Variants in GPHN observed in about 807,000 individuals in gnomAD.
GPHN encodes gephyrin.
A neutral mutation model predicts 95.5 loss-of-function variants in GPHN; 17 were observed. The ratio of observed to expected loss-of-function variants is 0.18; its 90% CI spans 0.12 to 0.27. The LOEUF is 0.27. Ranked by LOEUF, GPHN falls within the 10% of genes least tolerant of loss-of-function variation. The probability of loss-of-function intolerance (pLI) is 1.00; values close to 1 mark genes in which losing one functional copy is unlikely to be tolerated. For missense variants in GPHN, 660 were observed against 978.1 expected (o/e 0.67, Z 4.34); for synonymous variants, 320 against 322.5 (o/e 0.99, Z 0.08).
chr14:67,423,469 A>AG, the GPHN span, among the ~76,000 whole-genome samples: 1 of 151,970 alleles, frequency 6.6e-6, no homozygotes, highest in African/African-American at 2.4e-5. Context: ...GGGGCTCTGA[A>AG]GGGGGCCAAG....
chr14:67,096,151 A>AT (rs2077383077), intron 12 of GPHN, among the ~76,000 whole-genome samples: 2 of 152,080 alleles, frequency 1.3e-5, no homozygotes, highest in African/African-American at 4.8e-5. Context: ...TGTTTGACTG[A>AT]TTCTTCCTTA....
At chr14:67,374,999 G>A in the GPHN span, among the ~76,000 whole-genome samples, 5 of 152,178 alleles carry the variant, frequency 3.3e-5, no homozygotes, top group African/African-American at 4.8e-5. Context: ...TTTATAAAAT[G>A]TCTGTGAATC....
At chr14:66,572,730 C>T (rs7145697) in intron 1 of GPHN, among the ~76,000 whole-genome samples, 27 of 152,052 alleles carry the variant, frequency 1.8e-4, no homozygotes, top group African/African-American at 6.0e-4. Flanking sequence ...TCTTCCTTTC[C>T]AATTTTGATG....
chr14:66,773,993 GTTTTTTTTTTTT>G (rs1172451199), intron 2 of GPHN, among the ~76,000 whole-genome samples: 15 of 89,974 alleles, frequency 1.7e-4, no homozygotes, highest in African/African-American at 7.1e-4. Context: ...TATCTAGAAA[GTTTTTTTTTTTT>G]TTTTTTTTTT....
chr14:67,054,847 AGG>A (rs556187034), intron 10 of GPHN, among the ~76,000 whole-genome samples: 2,438 of 152,336 alleles, frequency 0.016, 23 homozygotes, highest in Non-Finnish European at 0.024. Flanking sequence ...CAATGGGGAA[AGG>A]ATTTGCTATT....
intron 10 of GPHN, among the ~76,000 whole-genome samples, chr14:67,028,183 T>G (rs145331017): frequency 6.6e-6 from 1 of 152,306 alleles, no homozygotes; most frequent in East Asian, 1.9e-4. Flanking sequence ...GTTCCATCTG[T>G]GTTGCTGCAA....
Position 67,110,214 on chromosome 14 carries a change from A to G in GPHN, c.1368A>G (p.Ala456=), listed in dbSNP as rs770213991. The stretch of plus-strand genomic sequence containing the variant: ...CTCCAATACCCTGCGGTGCTGATGC[A>G]GTAGTACAAGTGGAAGATACCGAAC... ...TGAPIPCGAD[A]VVQVEDTELI... The change falls in exon 14 of 23, where the codon GCA becomes GCG. Residue 456 remains alanine, a synonymous_variant. Coordinates refer to ENST00000478722, the MANE Select transcript of GPHN (RefSeq NM_020806.5). 5 of 1,613,124 alleles carry G rather than the reference A, an allele frequency of 3.1e-6. No homozygotes were observed. The highest frequency in any genetic ancestry group is 1.7e-5 in the Admixed American group (1 of 59,994).
chr14:66,702,681 A>G (rs1286626691), intron 2 of GPHN, among the ~76,000 whole-genome samples: 2 of 152,232 alleles, frequency 1.3e-5, no homozygotes, highest in Non-Finnish European at 2.9e-5. Flanking sequence ...GAAATTAGAC[A>G]AACTCATGAA....
the GPHN span, among the ~76,000 whole-genome samples, chr14:67,483,151 T>A: frequency 1.2e-4 from 19 of 152,078 alleles, no homozygotes; most frequent in African/African-American, 3.9e-4. Flanking sequence ...GCTGGGATTA[T>A]AGGTTCCTGC....
the GPHN span, among the ~76,000 whole-genome samples, chr14:67,318,399 T>G: frequency 1.3e-5 from 2 of 152,206 alleles, no homozygotes; most frequent in African/African-American, 4.8e-5. Flanking sequence ...GTTTTAAATT[T>G]TATCCTCTAT....
chr14:66,789,056 C>A (rs983600864), intron 3 of GPHN, among the ~76,000 whole-genome samples: 1 of 152,200 alleles, frequency 6.6e-6, no homozygotes, highest in Admixed American at 6.5e-5. Flanking sequence ...GATCAGTGTT[C>A]TGAGACAACC....
the GPHN span, among the ~76,000 whole-genome samples, chr14:67,701,116 AT>A: frequency 6.6e-6 from 1 of 151,736 alleles, no homozygotes; most frequent in Non-Finnish European, 1.5e-5. Context: ...AAAAACATGT[AT>A]CTTTTTAAGG....
intron 17 of GPHN, among the ~76,000 whole-genome samples, chr14:67,134,314 T>G (rs1439049347): frequency 1.3e-5 from 2 of 152,210 alleles, no homozygotes; most frequent in Non-Finnish European, 2.9e-5. Context: ...TCCTGTGTCT[T>G]TCATCTGTTA....
At chr14:66,760,381 A>G (rs531603626) in intron 2 of GPHN, among the ~76,000 whole-genome samples, 134 of 152,296 alleles carry the variant, frequency 8.8e-4, no homozygotes, top group African/African-American at 2.9e-3. Context: ...TCATTTAATT[A>G]TGTTTTGCAC....
chr14:67,408,344 TAAAATAAAATAA>T, the GPHN span, among the ~76,000 whole-genome samples: 7 of 138,000 alleles, frequency 5.1e-5, no homozygotes, highest in East Asian at 1.8e-3. Context: ...TAAAATAAAA[TAAAATAAAATAA>T]AAAAAGAAAA....
chr14:66,669,651 A>G (rs2066185423), intron 1 of GPHN, among the ~76,000 whole-genome samples: 1 of 151,824 alleles, frequency 6.6e-6, no homozygotes, highest in Non-Finnish European at 1.5e-5. Flanking sequence ...GATGACTTCT[A>G]GTGTGTTATC....
chr14:66,539,544 A>G (rs1178279835), intron 1 of GPHN, among the ~76,000 whole-genome samples: 1 of 150,028 alleles, frequency 6.7e-6, no homozygotes, highest in Non-Finnish European at 1.5e-5. Flanking sequence ...GTTCCTGAGT[A>G]GCTGGGATTA....
the GPHN span, among the ~76,000 whole-genome samples, chr14:67,671,296 C>T: frequency 2.6e-5 from 4 of 152,034 alleles, no homozygotes; most frequent in African/African-American, 4.8e-5. Context: ...GAGGCCGTGG[C>T]GGGCAGATCA....
At chr14:66,929,953 C>T (rs1039122209) in intron 8 of GPHN, among the ~76,000 whole-genome samples, 11 of 152,090 alleles carry the variant, frequency 7.2e-5, no homozygotes, top group Admixed American at 5.2e-4. Flanking sequence ...CCACATGATC[C>T]GCCCGCCTCG....
Sources: gnomAD v4.1 joint callset for allele counts (sites outside exome capture counted in the v4.1 genomes callset) on GRCh38, gnomAD v4.1.1 for gene constraint, MANE v1.5 for transcripts, NCBI Gene and HGNC (gene_info 2026-07-23, HGNC 2026-07-21) for gene names.